The following BAG1 variants were observed in gnomAD, a reference collection of about 807,000 sequenced individuals.
BAG1 encodes BAG family molecular chaperone regulator 1.
Under a neutral mutation model 35.5 loss-of-function variants are expected in BAG1, and 35 were observed. The observed-to-expected ratio is 0.99, with a 90% confidence interval of 0.75 to 1.31. The LOEUF (loss-of-function observed/expected upper bound fraction) is 1.31. Ranked by LOEUF, BAG1 falls within the 50% of genes most tolerant of loss-of-function variation. BAG1 has a pLI of 0.00. For synonymous variants in BAG1, 191 were observed against 178.9 expected (o/e 1.07, Z -0.54); for missense variants, 464 against 453.6 (o/e 1.02, Z -0.21).
At chr9:33,256,020 C>T in intron 5 of BAG1, 93 bp from the exon 6 acceptor site, 1 of 1,178,970 alleles carries the variant, frequency 8.5e-7, no homozygotes, top group Non-Finnish European at 1.3e-6. Flanking sequence ...ACATAAGAAA[C>T]ACCCACAGTA....
In BAG1 at chr9:33,256,855, TCTC is replaced by T; in HGVS notation, c.828_830del (p.Arg277del). Reference sequence around the variant, plus strand: ...TAAACTGCTCTATTGTGGCTTTTACTCTCCTATCAAGTTTGCAGAGAGCTTCAG... The same window carrying T: ...TAAACTGCTCTATTGTGGCTTTTACTCTATCAAGTTTGCAGAGAGCTTCAG... On this transcript the variant is annotated inframe_deletion, in exon 5 of 7. Coordinates refer to ENST00000634734, the MANE Select transcript of BAG1 (RefSeq NM_004323.6). The T allele has an allele frequency of 1.2e-6, 2 of 1,614,220 alleles. No individual in the cohort carries two copies. The highest frequency in any genetic ancestry group is 1.7e-6 in the Non-Finnish European group (2 of 1,180,030).
At chr9:33,255,759 C>G (rs1179477213) in intron 6 of BAG1, 106 bp downstream of exon 6, 15 of 1,244,540 alleles carry the variant, frequency 1.2e-5, no homozygotes, top group Non-Finnish European at 1.8e-5. Context: ...CCAAAACAAG[C>G]CCATACCACA....
Position 33,254,965 on chromosome 9 carries a change from C to A in BAG1, c.*254G>T. ...GTCCAAACAGCTGGGAAAATTTGGGCAGAGGTGGCCCTCTCCAGAAAAGGT... is the reference window on the plus strand; with the variant it reads ...GTCCAAACAGCTGGGAAAATTTGGGAAGAGGTGGCCCTCTCCAGAAAAGGT... On this transcript the variant is annotated 3_prime_UTR_variant, in exon 7 of 7. Transcript: ENST00000634734. 2 of 1,391,898 alleles carry A rather than the reference C, an allele frequency of 1.4e-6. No individual in the cohort carries two copies. The allele number at this position is 1,391,898 out of a possible 1,614,324, so 86.2% of individuals were successfully genotyped here. A position where few individuals can be genotyped will look rare whatever the true frequency, so the allele number is the denominator to read the frequency against.
At chr9:33,263,927 G>A (rs1269722193) in intron 1 of BAG1, among the ~76,000 whole-genome samples, 2 of 152,022 alleles carry the variant, frequency 1.3e-5, no homozygotes, top group Admixed American at 6.6e-5. Flanking sequence ...TGACACAAAG[G>A]GCACAATAAC....
rs779910385 is a variant in BAG1, at chr9:33,262,826, A to G, written c.456T>C (p.Asn152=). ...AGGTAACATGAAGGTCGTGCTTCTCATTGCCTGGGGAGAAAGAAAAGCATT... is the reference window on the plus strand; with the variant it reads ...AGGTAACATGAAGGTCGTGCTTCTCGTTGCCTGGGGAGAAAGAAAAGCATT... The change falls in exon 2 of 7, where the codon AAT becomes AAC. Residue 152 remains asparagine, a synonymous_variant. Coordinates refer to ENST00000634734, the MANE Select transcript of BAG1 (RefSeq NM_004323.6). 5 of 1,612,184 alleles carry G rather than the reference A, an allele frequency of 3.1e-6. No individual in the cohort carries two copies. The highest frequency in any genetic ancestry group is 3.4e-5 in the Admixed American group (2 of 59,480).
intron 5 of BAG1, among the ~76,000 whole-genome samples, chr9:33,256,553 T>C (rs1339964658): frequency 6.6e-6 from 1 of 152,144 alleles, no homozygotes; most frequent in Non-Finnish European, 1.5e-5. Flanking sequence ...CAGATGCTAC[T>C]GGCAAACATA....
chr9:33,262,893 A>G lies in BAG1; in HGVS notation c.452-63T>C, dbSNP rs946371757. The G allele has an allele frequency of 5.7e-5, 91 of 1,585,314 alleles. No homozygotes were observed. The African/African-American group carries it at 1.2e-3, about 21-fold the overall frequency. ...TTCACATACACCAATATAGGATGAC[A>G]CTTTATCACATTTATTTACCCAGCC... On this transcript the variant is annotated intron_variant, in intron 1 of 6. Transcript: ENST00000634734.
intron 2 of BAG1, 27 bp from the exon 3 acceptor site, chr9:33,261,196 G>A: frequency 1.3e-6 from 2 of 1,527,182 alleles, no homozygotes; most frequent in African/African-American, 1.4e-5. Flanking sequence ...GGTAGGCCAA[G>A]TTGTAATAAT....
chr9:33,256,045 C>T, intron 5 of BAG1, 118 bp from the exon 6 acceptor site: 2 of 901,622 alleles, frequency 2.2e-6, no homozygotes, highest in Non-Finnish European at 3.6e-6. Flanking sequence ...AAACAGGTCA[C>T]AGGTCACCAA....
chr9:33,256,473 G>T (rs1344293154), intron 5 of BAG1, among the ~76,000 whole-genome samples: 2 of 152,224 alleles, frequency 1.3e-5, no homozygotes, highest in African/African-American at 2.4e-5. Context: ...ATTCATCAGA[G>T]AAAGTTAAAT....
At chr9:33,255,814 T>C in intron 6 of BAG1, 51 bp downstream of exon 6, 1 of 1,556,528 alleles carries the variant, frequency 6.4e-7, no homozygotes, top group Non-Finnish European at 8.9e-7. Flanking sequence ...TAAACACACA[T>C]ACCTACACAT....
chr9:33,257,817 A>C (rs1482504804), intron 4 of BAG1: 7 of 152,246 alleles, frequency 4.6e-5, no homozygotes, highest in African/African-American at 1.7e-4. Flanking sequence ...CCAATAAAAG[A>C]ATAGTTTATA....
chr9:33,262,677 G>C (rs79668606), intron 2 of BAG1, 25 bp downstream of exon 2: 36 of 1,543,402 alleles, frequency 2.3e-5, no homozygotes, highest in Non-Finnish European at 3.1e-5. Context: ...AAAAGAAAAA[G>C]AAAGAAAGAA....
Position 33,255,140 on chromosome 9 carries a change from A to G in BAG1, c.*79T>C. The G allele has an allele frequency of 6.2e-7, 1 of 1,613,832 alleles. No individual in the cohort carries two copies. The highest frequency in any genetic ancestry group is 1.1e-5 in the South Asian group (1 of 90,996). On this transcript the variant is annotated 3_prime_UTR_variant, in exon 7 of 7. Coordinates refer to ENST00000634734, the MANE Select transcript of BAG1 (RefSeq NM_004323.6). ...AGTTGCCCCCAGCAGCCCTGAAGAAATCAGGTAAATTCCGCTCCAGAGACG... is the reference window on the plus strand; with the variant it reads ...AGTTGCCCCCAGCAGCCCTGAAGAAGTCAGGTAAATTCCGCTCCAGAGACG...
intron 2 of BAG1, chr9:33,261,891 C>T (rs1264628463): frequency 1.5e-5 from 15 of 985,168 alleles, no homozygotes; most frequent in Non-Finnish European, 1.7e-5. Flanking sequence ...CACATCCAGG[C>T]CTCAGGTAAG....
rs190263399 is a variant in BAG1 at position 33,258,843 on chromosome 9, C to T, written c.777+77G>A. The T allele has an allele frequency of 5.7e-6, 7 of 1,222,906 alleles. No homozygotes were observed. In the Admixed American group the frequency reaches 7.0e-5, roughly 12 times the overall value. 75.8% of individuals were successfully genotyped at this position (1,222,906 alleles called of 1,614,324 possible). On this transcript the variant is annotated intron_variant, in intron 4 of 6. Coordinates refer to ENST00000634734, the MANE Select transcript of BAG1 (RefSeq NM_004323.6). ...GAACCCAGGGAGTCTGACTGCAGAA[C>T]ATGTCCCCATAACCACAAGTTATAT...
At chr9:33,261,209 T>C (rs760160265) in intron 2 of BAG1, 40 bp from the exon 3 acceptor site, 8 of 1,436,798 alleles carry the variant, frequency 5.6e-6, no homozygotes, top group South Asian at 4.8e-5. Context: ...GTAATAATTG[T>C]ACAACACTGA....
rs1269504021 is a variant in BAG1 at position 33,255,422 on chromosome 9, T to C, written c.949-114A>G. On this transcript the variant is annotated intron_variant, in intron 6 of 6. Transcript: ENST00000634734. ...ACCCATGGCTGAGACTCAAAACAGA[T>C]TGTGCATGAATGGAGATGGGCCACT... The C allele has an allele frequency of 2.0e-6, 3 of 1,528,276 alleles. No homozygotes were observed. The East Asian group carries it at 6.8e-5, about 35-fold the overall frequency. The allele number at this position is 1,528,276 out of a possible 1,614,324, so 94.7% of individuals were successfully genotyped here. A position where few individuals can be genotyped will look rare whatever the true frequency, so the allele number is the denominator to read the frequency against.
intron 3 of BAG1, among the ~76,000 whole-genome samples, chr9:33,260,879 T>C (rs1204604984): frequency 6.6e-6 from 1 of 152,224 alleles, no homozygotes; most frequent in African/African-American, 2.4e-5. Flanking sequence ...TCCTAATTCC[T>C]AGAGCAAAAG....
Sources: allele counts gnomAD v4.1 joint callset (sites outside exome capture counted in the v4.1 genomes callset), GRCh38; gene constraint gnomAD v4.1.1; transcripts MANE v1.5; gene names NCBI Gene and HGNC (gene_info 2026-07-23, HGNC 2026-07-21).